The following S100A8 variants were observed in gnomAD, a reference collection of about 807,000 sequenced individuals.
S100A8 encodes the protein protein S100-A8.
In S100A8, 1 loss-of-function variant was observed where a neutral mutation model predicts 4.2. The ratio of observed to expected loss-of-function variants is 0.24; its 90% CI spans 0.08 to 1.12. The LOEUF is 1.12. Ranked by LOEUF, S100A8 falls within the 50% of genes most tolerant of loss-of-function variation. The pLI is 0.53. For missense variants in S100A8, 96 were observed against 111.8 expected, an observed-to-expected ratio of 0.86 and a Z score of 0.64; for synonymous variants, 41 against 44.7, an observed-to-expected ratio of 0.92 and a Z score of 0.33.
At chr1:153,421,406 A>T in the S100A8 span, 1 of 152,222 alleles carries the variant, frequency 6.6e-6, no homozygotes, top group Non-Finnish European at 1.5e-5. Context: ...GAGGGAAAAC[A>T]TTGTTACCTC....
chr1:153,406,844 A>G, the S100A8 span, among the ~76,000 whole-genome samples: 7 of 152,248 alleles, frequency 4.6e-5, no homozygotes, highest in Non-Finnish European at 1.0e-4. Flanking sequence ...TGTTCCAGAC[A>G]TGACACAGGG....
chr1:153,422,224 C>T, the S100A8 span: 2 of 152,318 alleles, frequency 1.3e-5, no homozygotes, highest in African/African-American at 4.8e-5. Context: ...ATCTCCGCAA[C>T]CACAGCCCAG....
chr1:153,409,759 C>T, the S100A8 span, among the ~76,000 whole-genome samples: 1 of 152,186 alleles, frequency 6.6e-6, no homozygotes, highest in African/African-American at 2.4e-5. Flanking sequence ...TGTAAAAGAA[C>T]AGAAGTTATA....
chr1:153,418,838 G>A, the S100A8 span, among the ~76,000 whole-genome samples: 1 of 152,178 alleles, frequency 6.6e-6, no homozygotes, highest in Middle Eastern at 3.2e-3. Flanking sequence ...GCCCTTAAAT[G>A]CTGGGAACAG....
the S100A8 span, among the ~76,000 whole-genome samples, chr1:153,398,776 G>A: frequency 2.0e-5 from 3 of 152,138 alleles, no homozygotes; most frequent in Non-Finnish European, 4.4e-5. Flanking sequence ...GCCATAGAAA[G>A]CAAGCATATT....
chr1:153,403,509 C>T, the S100A8 span, among the ~76,000 whole-genome samples: 2 of 152,178 alleles, frequency 1.3e-5, no homozygotes, highest in Non-Finnish European at 2.9e-5. Flanking sequence ...TCAAAACAAG[C>T]TTTGTTTCCT....
In S100A8 at chr1:153,390,525, T is replaced by C. The variant is rs759901965; in HGVS notation, c.11A>G (p.Glu4Gly). 1 of 1,614,200 alleles carries C rather than the reference T, an allele frequency of 6.2e-7. No homozygotes were observed. The highest frequency in any genetic ancestry group is 2.2e-5 in the East Asian group (1 of 44,888). The change falls in exon 2 of 3, where the codon GAG becomes GGG. Residue 4 changes from glutamate (E) to glycine (G), a missense_variant. Physicochemically the swap from Glu to Gly is moderately conservative, Grantham distance 98. Coordinates refer to ENST00000368733, the MANE Select transcript of S100A8 (RefSeq NM_002964.5). ...GATAGAGTTCAAGGCTTTCTCCAGC[T>C]CGGTCAACATGATGCCCACGGACTT... Reference protein sequence around the residue: MLTELEKALNSIID... With the variant: MLTGLEKALNSIID...
the S100A8 span, among the ~76,000 whole-genome samples, chr1:153,399,889 G>A: frequency 2.6e-5 from 4 of 152,332 alleles, no homozygotes; most frequent in East Asian, 1.9e-4. Context: ...GTAAAAGAGC[G>A]CGGCCCCCTC....
upstream of S100A8, among the ~76,000 whole-genome samples, chr1:153,395,842 G>C (rs1242722604): frequency 2.6e-5 from 4 of 152,200 alleles, no homozygotes; most frequent in East Asian, 7.7e-4. Flanking sequence ...ATTTTCTACT[G>C]TTGTTCCCTC....
the S100A8 span, among the ~76,000 whole-genome samples, chr1:153,397,668 A>G: frequency 6.6e-6 from 1 of 152,262 alleles, no homozygotes; most frequent in Non-Finnish European, 1.5e-5. Flanking sequence ...GTGAAGCCCT[A>G]GAAACCATCT....
chr1:153,408,812 G>A, the S100A8 span, among the ~76,000 whole-genome samples: 1 of 152,166 alleles, frequency 6.6e-6, no homozygotes, highest in Admixed American at 6.5e-5. Context: ...AAGAGAGTCG[G>A]GGCCAATATT....
chr1:153,419,054 T>C, the S100A8 span: 2 of 1,382,368 alleles, frequency 1.4e-6, no homozygotes, highest in South Asian at 1.3e-5. Context: ...ATCTAGGTAC[T>C]TGTCTGTATC....
chr1:153,401,433 A>G, the S100A8 span, among the ~76,000 whole-genome samples: 2 of 152,182 alleles, frequency 1.3e-5, no homozygotes, highest in Admixed American at 6.5e-5. Flanking sequence ...ACTTCAGGTT[A>G]CTGTACTTAG....
In S100A8 at chr1:153,391,072, A is replaced by AGC; in HGVS notation, c.-55_-54insGC. The AGC allele has an allele frequency of 1.0e-6, 1 of 986,420 alleles. No homozygotes were observed. Among genetic ancestry groups the AGC allele is most frequent in the Non-Finnish European group, 1.2e-6 (1 of 830,386 alleles). The allele number at this position is 986,420 out of a possible 1,614,324, so 61.1% of individuals were successfully genotyped here. A position where few individuals can be genotyped will look rare whatever the true frequency, so the allele number is the denominator to read the frequency against. ...TTCTGAAAGACAGCTGACAAGAGAC[A>AGC]TGCAGGGCTGAGAGGCAGCTCCTTT... On this transcript the variant is annotated 5_prime_UTR_variant, in exon 1 of 3. An upstream start codon of the reference 5' UTR is lost. Coordinates refer to ENST00000368733, the MANE Select transcript of S100A8 (RefSeq NM_002964.5).
At chr1:153,419,347 C>T in the S100A8 span, 3 of 1,585,984 alleles carry the variant, frequency 1.9e-6, no homozygotes, top group African/African-American at 2.7e-5. Flanking sequence ...ACCCCAGGAA[C>T]AATAAGTGTC....
the S100A8 span, among the ~76,000 whole-genome samples, chr1:153,399,864 C>A: frequency 2.6e-5 from 4 of 152,188 alleles, no homozygotes; most frequent in Non-Finnish European, 4.4e-5. Context: ...ATGGCACAGG[C>A]AAAGGCCCGG....
the S100A8 span, chr1:153,421,688 C>T: frequency 6.6e-6 from 1 of 152,246 alleles, no homozygotes; most frequent in Admixed American, 6.5e-5. Flanking sequence ...GTACTGATCT[C>T]CCAAAAGAAG....
intron 2 of S100A8, 66 bp from the exon 3 acceptor site, chr1:153,390,309 C>T: frequency 6.2e-7 from 1 of 1,602,828 alleles, no homozygotes; most frequent in East Asian, 2.2e-5. Context: ...GCATAGCCAT[C>T]TATGAAGGGT....
chr1:153,393,119 T>G (rs902262973), upstream of S100A8, among the ~76,000 whole-genome samples: 1 of 152,180 alleles, frequency 6.6e-6, no homozygotes, highest in Non-Finnish European at 1.5e-5. Context: ...TGACTCATGA[T>G]GTGATGTGAC....
Sources: allele counts gnomAD v4.1 joint callset (sites outside exome capture counted in the v4.1 genomes callset), GRCh38; gene constraint gnomAD v4.1.1; transcripts MANE v1.5; gene names NCBI Gene and HGNC (gene_info 2026-07-23, HGNC 2026-07-21).